The following BEST1 variants were observed in gnomAD, a reference collection of about 807,000 sequenced individuals.
BEST1 encodes bestrophin 1.
Under a neutral mutation model 63.3 loss-of-function variants are expected in BEST1, and 58 were observed. The observed-to-expected ratio is 0.92, with a 90% CI of 0.74 to 1.14. The LOEUF is 1.14. BEST1 is among the 50% of genes most tolerant of loss of function. BEST1 has a pLI of 0.00. For synonymous variants in BEST1, 283 were observed against 291.6 expected (o/e 0.97, Z 0.30); for missense variants, 671 against 740.1 (o/e 0.91, Z 1.08).
Position 61,955,158 on chromosome 11 carries a change from T to C in BEST1, c.204T>C (p.Tyr68=). Residue 68 remains tyrosine, a synonymous_variant, in exon 3 of 11, where the codon TAT becomes TAC. Transcript: ENST00000378043. Reference sequence around the variant, plus strand: ...TGATGTTTGAGAAACTGACTCTGTATTGCGACAGCTACATCCAGCTCATCC... The same window carrying C: ...TGATGTTTGAGAAACTGACTCTGTACTGCGACAGCTACATCCAGCTCATCC... ...QQLMFEKLTL[Y]CDSYIQLIPI... 6.2e-7 allele frequency: 1 copy of C among 1,614,202 alleles called. No individual in the cohort carries two copies. Among genetic ancestry groups the C allele is most frequent in the Non-Finnish European group, 8.5e-7 (1 of 1,180,028 alleles).
chr11:61,954,748 C>T, intron 2 of BEST1: 2 of 970,412 alleles, frequency 2.1e-6, no homozygotes, highest in Non-Finnish European at 2.5e-6. Context: ...CCGTGCCCGT[C>T]CCAAACACTC....
chr11:61,955,961 C>T lies in BEST1; in HGVS notation c.481+10C>T, dbSNP rs772282598. 6.5e-7 allele frequency: 1 copy of T among 1,543,748 alleles called. No homozygotes were observed. On this transcript the variant is annotated intron_variant, in intron 4 of 10. Transcript: ENST00000378043. ...CACCTGGTGCAAGCAGGTGGGCGGA[C>T]CGGGAGCAACGGGGAGGCACCGGGC...
chr11:61,958,133 C>CTCCTCCTCT lies in BEST1; in HGVS notation c.715-5_715-4insTTCCTCCTC, dbSNP rs2134444456. ...CCTAGCCCTTTGCTACCACATCCTC[C>CTCCTCCTCT]TCCTCCTCCCAGGTGGTGACTGTGG... On this transcript the variant is annotated splice_polypyrimidine_tract_variant and intron_variant, in intron 6 of 10. Transcript: ENST00000378043. The CTCCTCCTCT allele has an allele frequency of 6.2e-7, 1 of 1,613,750 alleles. No individual in the cohort carries two copies. The highest frequency in any genetic ancestry group is 8.5e-7 in the Non-Finnish European group (1 of 1,179,688).
chr11:61,965,318 C>G (rs1591321197), downstream of BEST1: 1 of 1,610,968 alleles, frequency 6.2e-7, no homozygotes, highest in South Asian at 1.1e-5. Context: ...TTTCTGATAC[C>G]CGAACACTGC....
Position 61,960,042 on chromosome 11 carries a change from A to G in BEST1, c.1099A>G (p.Ser367Gly). 1 of 1,607,008 alleles carries G rather than the reference A, an allele frequency of 6.2e-7. No homozygotes were observed. ...CTTTATGGGCTCCACCTTCAACATC[A>G]GGTGTGGCCAGAGCCAGGGGGCTGG... Reference protein sequence around the residue: ...ASFMGSTFNISLNKEEMEFQP... With the variant: ...ASFMGSTFNIGLNKEEMEFQP... The change falls in exon 9 of 11, where the codon AGC (serine) becomes GGC (glycine). Residue 367 changes from serine (S) to glycine (G), a missense_variant and splice_region_variant. Transcript: ENST00000378043.
chr11:61,962,694 G>T lies in BEST1; in HGVS notation c.1540G>T (p.Glu514Ter). The stretch of plus-strand genomic sequence containing the variant: ...GAGTTCTGGGGCCAAGAAAAGTTTT[G>T]AATTGCTCTCAGAGAGCGATGGGGC... ...TVSSGAKKSFELLSESDGALM... is the reference protein window; with the variant it reads ...TVSSGAKKSF Residue 514 changes from glutamate (E) to a stop codon, truncating the protein, a stop_gained, in exon 10 of 11, where the codon GAA (glutamate) becomes TAA (stop). Coordinates refer to ENST00000378043, the MANE Select transcript of BEST1 (RefSeq NM_004183.4). LOFTEE classifies it high-confidence loss of function. 5.0e-6 allele frequency: 8 copies of T among 1,614,212 alleles called. No individual in the cohort carries two copies. The highest frequency in any genetic ancestry group is 6.8e-6 in the Non-Finnish European group (8 of 1,180,044).
chr11:61,964,219 TGAA>T lies in BEST1; in HGVS notation c.*101_*103del. On this transcript the variant is annotated 3_prime_UTR_variant, in exon 11 of 11. Transcript: ENST00000378043. ...GTCACAGCCATACAGCTGTCCACAC[TGAA>T]GAACATGTCCTACAACAGCCTGAAT... 6.3e-7 allele frequency: 1 copy of T among 1,596,470 alleles called. No homozygotes were observed. Among genetic ancestry groups the T allele is most frequent in the Non-Finnish European group, 8.5e-7 (1 of 1,172,048 alleles).
chr11:61,953,497 G>A (rs1940933831), intron 2 of BEST1, among the ~76,000 whole-genome samples: 1 of 152,178 alleles, frequency 6.6e-6, no homozygotes, highest in Non-Finnish European at 1.5e-5. Context: ...TGGATCATGA[G>A]GTCAGGAGTT....
chr11:61,959,163 A>G (rs1941760340), intron 7 of BEST1: 1 of 391,440 alleles, frequency 2.6e-6, no homozygotes, highest in African/African-American at 2.1e-5. Flanking sequence ...CAGCTTCAGT[A>G]TATATCTCTG....
chr11:61,963,195 C>T, intron 10 of BEST1: 2 of 1,431,582 alleles, frequency 1.4e-6, no homozygotes, highest in Non-Finnish European at 1.8e-6. Context: ...CCAGGGCTGA[C>T]AGGCCAGGCT....
chr11:61,955,590 A>G (rs1417280423), intron 3 of BEST1, 128 bp from the exon 4 acceptor site: 3 of 1,167,940 alleles, frequency 2.6e-6, no homozygotes, highest in Non-Finnish European at 3.6e-6. Flanking sequence ...AGCGCCTTCC[A>G]GGAGGGCTGG....
chr11:61,950,618 T>C (rs1029695029), intron 1 of BEST1, among the ~76,000 whole-genome samples, 191 bp downstream of exon 1: 3 of 152,204 alleles, frequency 2.0e-5, no homozygotes, highest in African/African-American at 4.8e-5. Flanking sequence ...AGCCAGCCAG[T>C]GTGGCTGCAG....
rs368383940 is a variant in BEST1, at chr11:61,951,817, C to A, written c.11C>A (p.Thr4Asn). The A allele has an allele frequency of 2.5e-6, 4 of 1,612,704 alleles. No homozygotes were observed. Among genetic ancestry groups the A allele is most frequent in the Non-Finnish European group, 3.4e-6 (4 of 1,180,030 alleles). MTI[T>N]YTSQVANARL... The stretch of plus-strand genomic sequence containing the variant: ...GCCCACTGCCTGGCCATGACCATCA[C>A]TTACACAAGCCAAGTGGCTAATGCC... Residue 4 changes from threonine (T) to asparagine (N), a missense_variant, in exon 2 of 11, where the codon ACT becomes AAT. By Grantham distance (65) the Thr-to-Asn change is moderately conservative (BLOSUM62 0). Coordinates refer to ENST00000378043, the MANE Select transcript of BEST1 (RefSeq NM_004183.4).
In BEST1 at chr11:61,955,883, T is replaced by G. The variant is rs1354994933; in HGVS notation, c.413T>G (p.Leu138Arg). 6.4e-7 allele frequency: 1 copy of G among 1,550,444 alleles called. No individual in the cohort carries two copies. Among genetic ancestry groups the G allele is most frequent in the East Asian group, 2.4e-5 (1 of 41,000 alleles). ...LIRYANLGNV[L>R]ILRSVSTAVY... Reference sequence around the variant, plus strand: ...CGCTACGCCAACCTGGGCAACGTGCTCATCCTGCGCAGCGTCAGCACCGCA... The same window carrying G: ...CGCTACGCCAACCTGGGCAACGTGCGCATCCTGCGCAGCGTCAGCACCGCA... Residue 138 changes from leucine to arginine, a missense_variant, in exon 4 of 11, where the codon CTC becomes CGC. Transcript: ENST00000378043.
chr11:61,956,736 A>G (rs1941409232), intron 4 of BEST1, 108 bp from the exon 5 acceptor site: 1 of 1,429,588 alleles, frequency 7.0e-7, no homozygotes, highest in Admixed American at 1.7e-5. Flanking sequence ...TTTGTTGTTG[A>G]AAGAAAGAGG....
At chr11:61,951,682 T>A in intron 1 of BEST1, 89 bp from the exon 2 acceptor site, 1 of 1,348,732 alleles carries the variant, frequency 7.4e-7, no homozygotes, top group Non-Finnish European at 1.0e-6. Context: ...TATGGGAGAG[T>A]TGAGGTCCAG....
intron 2 of BEST1, among the ~76,000 whole-genome samples, chr11:61,952,497 A>C (rs1591269912): frequency 3.5e-5 from 4 of 114,234 alleles, no homozygotes; most frequent in Admixed American, 1.1e-4. Context: ...ACAGGGTTTC[A>C]CTCCATCACC....
intron 8 of BEST1, 62 bp downstream of exon 8, chr11:61,959,640 A>G: frequency 6.4e-7 from 1 of 1,569,848 alleles, no homozygotes; most frequent in Non-Finnish European, 8.8e-7. Context: ...CAAAGAGAGG[A>G]CCCCACTGTT....
At chr11:61,954,235 A>C (rs1185112989) in intron 2 of BEST1, among the ~76,000 whole-genome samples, 2 of 148,728 alleles carry the variant, frequency 1.3e-5, no homozygotes, top group Non-Finnish European at 3.0e-5. Context: ...CAGCCTCCCC[A>C]CTATCAACAC....
Sources: allele counts gnomAD v4.1 joint callset (sites outside exome capture counted in the v4.1 genomes callset), GRCh38; gene constraint gnomAD v4.1.1; transcripts MANE v1.5; gene names NCBI Gene and HGNC (gene_info 2026-07-23, HGNC 2026-07-21).